WNK2: variants seen among roughly 807,000 people sequenced by gnomAD.
The protein encoded by WNK2 is WNK lysine deficient protein kinase 2.
A neutral mutation model predicts 192.1 loss-of-function variants in WNK2; 67 were observed. The observed-to-expected ratio is 0.35, with a 90% CI of 0.29 to 0.43. The LOEUF (loss-of-function observed/expected upper bound fraction) is 0.43. Among genes scored for constraint, WNK2 ranks in the 20% least tolerant of loss-of-function variants. WNK2 has a pLI of 1.00. For missense variants in WNK2, 2,698 were observed against 3,089.7 expected (o/e 0.87, Z 3.01); for synonymous variants, 1,439 against 1,393.9 (o/e 1.03, Z -0.72).
chr9:93,185,686 C>T (rs1829168582), intron 2 of WNK2, 76 bp downstream of exon 2: 1 of 1,517,394 alleles, frequency 6.6e-7, no homozygotes, highest in Non-Finnish European at 8.9e-7. Context: ...GTCCTTGCTC[C>T]TGCGCCTGGC....
intron 2 of WNK2, among the ~76,000 whole-genome samples, chr9:93,212,794 A>T (rs577545316): frequency 1.1e-4 from 17 of 152,174 alleles, no homozygotes; most frequent in Non-Finnish European, 2.4e-4. Flanking sequence ...TGTTTAAAAG[A>T]GAGAGGAAGG....
At chr9:93,306,935 C>CCCGCGCCTGCT (rs1433182675) in intron 27 of WNK2, 114 bp downstream of exon 27, 16 of 1,321,154 alleles carry the variant, frequency 1.2e-5, no homozygotes, top group Admixed American at 6.8e-5. Flanking sequence ...CTGTGCCTGC[C>CCCGCGCCTGCT]CCGCGCCTGC....
At chr9:93,319,388 C>A in intron 29 of WNK2, 1 of 985,428 alleles carries the variant, frequency 1.0e-6, no homozygotes, top group Non-Finnish European at 1.2e-6. Context: ...GGTCTGAGAG[C>A]AGGGCATCTG....
At chr9:93,213,037 T>A (rs1835073871) in intron 2 of WNK2, among the ~76,000 whole-genome samples, 1 of 145,704 alleles carries the variant, frequency 6.9e-6, no homozygotes, top group Non-Finnish European at 1.5e-5. Flanking sequence ...GGCTTTTCCC[T>A]CATTTGTGTA....
chr9:93,306,491 CT>C (rs926525991), intron 26 of WNK2: 2 of 381,422 alleles, frequency 5.2e-6, no homozygotes, highest in Non-Finnish European at 9.3e-6. Context: ...TTTTTTCTTT[CT>C]CTTTTACTTT....
chr9:93,203,125 C>T (rs567618737), intron 2 of WNK2, among the ~76,000 whole-genome samples: 22 of 151,788 alleles, frequency 1.4e-4, no homozygotes, highest in African/African-American at 4.6e-4. Context: ...CAGAGCTTTT[C>T]GGGGGGCGCT....
chr9:93,308,604 G>A lies in WNK2; in HGVS notation c.6516+20G>A, dbSNP rs1214113717. 3.9e-6 allele frequency: 4 copies of A among 1,023,778 alleles called. No homozygotes were observed. In the South Asian group the frequency reaches 4.2e-5, roughly 11 times the overall value. The allele number at this position is 1,023,778 out of a possible 1,614,324, so 63.4% of individuals were successfully genotyped here. Reference sequence around the variant, plus strand: ...CGGGCTGTGAGTGCGGGGCGGGTGGGGCGGGTGCTCCTGGGGTGGGGTAGC... The same window carrying A: ...CGGGCTGTGAGTGCGGGGCGGGTGGAGCGGGTGCTCCTGGGGTGGGGTAGC... On this transcript the variant is annotated intron_variant, in intron 28 of 29. Coordinates refer to ENST00000427277, the MANE Select transcript of WNK2 (RefSeq NM_006648.4).
chr9:93,200,045 C>T (rs894039248), intron 2 of WNK2, among the ~76,000 whole-genome samples: 5 of 152,128 alleles, frequency 3.3e-5, no homozygotes, highest in African/African-American at 7.2e-5. Flanking sequence ...GCTGAGCAGG[C>T]GTTGCGTGGG....
chr9:93,286,550 G>C (rs1372474142), intron 19 of WNK2, among the ~76,000 whole-genome samples: 1 of 152,220 alleles, frequency 6.6e-6, no homozygotes, highest in African/African-American at 2.4e-5. Context: ...GGGGACCTTT[G>C]TGCAGTGTGG....
Position 93,292,747 on chromosome 9 carries a change from C to A in WNK2, c.5282C>A (p.Ser1761Tyr), listed in dbSNP as rs745571077. 3 of 1,562,146 alleles carry A rather than the reference C, an allele frequency of 1.9e-6. No homozygotes were observed. In the African/African-American group the frequency reaches 4.1e-5, roughly 21 times the overall value. ...VSTQDEWTLASPHSLRYSAPP... is the reference protein window; with the variant it reads ...VSTQDEWTLAYPHSLRYSAPP... ...ACTCAGGACGAGTGGACCCTGGCCT[C>A]CCCCCACAGCCTGAGATACTCTGCC... The change falls in exon 23 of 30, where the codon TCC becomes TAC. Residue 1761 changes from serine to tyrosine, a missense_variant. By Grantham distance (144) the Ser-to-Tyr change is moderately radical. This residue lies in a region of WNK2 where 1,098 missense variants were observed against 1,101.0 expected (regional missense o/e 1.00). Transcript: ENST00000427277.
intron 7 of WNK2, among the ~76,000 whole-genome samples, chr9:93,241,422 G>A (rs1016906413): frequency 6.6e-6 from 1 of 152,206 alleles, no homozygotes; most frequent in African/African-American, 2.4e-5. Flanking sequence ...GACCACAGAG[G>A]TGCTCGCTGT....
chr9:93,298,100 C>G, intron 24 of WNK2, 33 bp downstream of exon 24: 1 of 1,544,442 alleles, frequency 6.5e-7, no homozygotes, highest in Non-Finnish European at 8.7e-7. Flanking sequence ...GGGATGGGAG[C>G]GGGGCTGGGG....
intron 2 of WNK2, among the ~76,000 whole-genome samples, chr9:93,191,185 C>T: frequency 6.6e-6 from 1 of 152,106 alleles, no homozygotes; most frequent in East Asian, 1.9e-4. Flanking sequence ...TGCATCCCCC[C>T]ACCCTGTCCT....
Position 93,297,939 on chromosome 9 carries a change from C to A in WNK2, c.5795C>A (p.Pro1932His), listed in dbSNP as rs142375182. 9.4e-6 allele frequency: 15 copies of A among 1,588,088 alleles called. No individual in the cohort carries two copies. Among genetic ancestry groups the A allele is most frequent in the South Asian group, 2.3e-5 (2 of 87,042 alleles). The stretch of plus-strand genomic sequence containing the variant: ...CGCCGCCTGGGCAAGCCACTGCCCC[C>A]CAACGTGGGCTTCTTCCACACGGCA... ...LYRRLGKPLP[P>H]NVGFFHTAPP... Residue 1932 changes from proline (P) to histidine (H), a missense_variant, in exon 24 of 30, where the codon CCC becomes CAC. Around this residue, in one of 7 missense-constraint regions of WNK2, gnomAD observed 1,098 missense variants for 1,101.0 expected, o/e 1.00. Coordinates refer to ENST00000427277, the MANE Select transcript of WNK2 (RefSeq NM_006648.4).
chr9:93,295,118 G>A (rs372688353), intron 23 of WNK2, among the ~76,000 whole-genome samples: 1 of 152,154 alleles, frequency 6.6e-6, no homozygotes, highest in African/African-American at 2.4e-5. Flanking sequence ...CCCAGGCCGC[G>A]GGGCTCTGTG....
At chr9:93,197,868 C>T (rs1043068371) in intron 2 of WNK2, among the ~76,000 whole-genome samples, 8 of 152,126 alleles carry the variant, frequency 5.3e-5, no homozygotes, top group African/African-American at 1.7e-4. Context: ...ATTCCTGGCT[C>T]GGGTGCTGCA....
At chr9:93,306,987 G>A (rs906264900) in intron 27 of WNK2, 166 bp downstream of exon 27, 4 of 809,420 alleles carry the variant, frequency 4.9e-6, no homozygotes, top group Non-Finnish European at 8.2e-6. Context: ...TCTGCCTGGC[G>A]GGATCGCTGT....
At chr9:93,286,449 T>G (rs1161574781) in intron 19 of WNK2, among the ~76,000 whole-genome samples, 3 of 152,028 alleles carry the variant, frequency 2.0e-5, no homozygotes, top group Non-Finnish European at 4.4e-5. Flanking sequence ...GAAATGCAAA[T>G]CAAAACCACA....
intron 2 of WNK2, among the ~76,000 whole-genome samples, chr9:93,188,052 G>C (rs1050673323): frequency 6.6e-6 from 1 of 152,150 alleles, no homozygotes; most frequent in Non-Finnish European, 1.5e-5. Flanking sequence ...CTAGCATTCT[G>C]GGCATGGGGA....
Sources: gnomAD v4.1 joint callset for allele counts (sites outside exome capture counted in the v4.1 genomes callset) on GRCh38, gnomAD v4.1.1 for gene constraint, gnomAD v4.1.1 regional missense constraint, MANE v1.5 for transcripts, NCBI Gene and HGNC (gene_info 2026-07-23, HGNC 2026-07-21) for gene names.